ANO10: variants seen among roughly 807,000 people sequenced by gnomAD.
ANO10 encodes anoctamin 10, also known as anoctamin-10.
Under a neutral mutation model 74.7 loss-of-function variants are expected in ANO10, and 77 were observed. The observed-to-expected ratio is 1.03, with a 90% CI of 0.86 to 1.25. The LOEUF (loss-of-function observed/expected upper bound fraction) is 1.25. Among genes scored for constraint, ANO10 ranks in the 50% most tolerant of loss-of-function variants. The pLI is 0.00. For missense variants in ANO10, 721 were observed against 778.1 expected, an observed-to-expected ratio of 0.93 and a Z score of 0.87; for synonymous variants, 279 against 284.9, an observed-to-expected ratio of 0.98 and a Z score of 0.21.
At chr3:43,414,589 C>A (rs138951065) in intron 12 of ANO10, among the ~76,000 whole-genome samples, 2 of 152,098 alleles carry the variant, frequency 1.3e-5, no homozygotes, top group African/African-American at 4.8e-5. Flanking sequence ...GGCTAATTAG[C>A]CTTTCAAAAC....
chr3:43,441,306 G>A (rs1002377444), intron 11 of ANO10, among the ~76,000 whole-genome samples: 3 of 150,472 alleles, frequency 2.0e-5, no homozygotes, highest in African/African-American at 7.3e-5. Flanking sequence ...ATGAAGAAAA[G>A]ACTCATATAC....
chr3:43,670,403 T>C (rs1310442162), intron 1 of ANO10, among the ~76,000 whole-genome samples: 2 of 151,938 alleles, frequency 1.3e-5, no homozygotes, highest in Non-Finnish European at 2.9e-5. Context: ...GGTTGGGAGA[T>C]TTATGCTTAA....
At position 43,555,232 on chromosome 3, in the gene ANO10, C is replaced by T. The variant is rs749087058; in HGVS notation, c.1668+46G>A. On this transcript the variant is annotated intron_variant, in intron 10 of 12. Transcript: ENST00000292246. ...ATTTTTTTTCCCTGTCATAACACCT[C>T]GTATTTTTATTTTTTAAAGGAATAA... is the stretch of plus-strand genomic sequence containing the variant. 2.8e-5 allele frequency: 45 copies of T among 1,583,592 alleles called. No homozygotes were observed. In the Middle Eastern group the frequency reaches 5.0e-4, roughly 18 times the overall value.
chr3:43,587,119 T>G (rs1452447206), intron 4 of ANO10, among the ~76,000 whole-genome samples: 1 of 152,072 alleles, frequency 6.6e-6, no homozygotes, highest in African/African-American at 2.4e-5. Context: ...AAAAATTTGA[T>G]AAAAAATAAC....
intron 7 of ANO10, among the ~76,000 whole-genome samples, chr3:43,566,794 G>C (rs1220250844): frequency 6.6e-6 from 1 of 152,320 alleles, no homozygotes; most frequent in African/African-American, 2.4e-5. Context: ...CTCCTCCAAA[G>C]GAACGCAGTT....
At position 43,371,620 on chromosome 3, in the gene ANO10, G is replaced by A. The variant is rs372096296; in HGVS notation, c.1915-4646C>T. ...GAGAAGGGGAATGGCGGGGAAGAAG[G>A]GAGGATCAACTTCGAGCCTCCTCCA... On this transcript the variant is annotated intron_variant, in intron 12 of 12. Coordinates refer to ENST00000292246, the MANE Select transcript of ANO10 (RefSeq NM_018075.5). 2.6e-5 allele frequency among the ~76,000 whole-genome samples: 4 copies of A among 152,260 alleles called. No homozygotes were observed. In the East Asian group the frequency reaches 5.8e-4, roughly 22 times the overall value.
chr3:43,531,525 T>C (rs2078467533), intron 11 of ANO10, among the ~76,000 whole-genome samples: 1 of 152,158 alleles, frequency 6.6e-6, no homozygotes, highest in Non-Finnish European at 1.5e-5. Flanking sequence ...TTCTTATTGG[T>C]ATAAAAAATA....
Position 43,373,661 on chromosome 3 carries a change from T to C in ANO10, c.1915-6687A>G, listed in dbSNP as rs138508649. The stretch of plus-strand genomic sequence containing the variant: ...CTTCCCATGGAGAGTGAGGTGCCTA[T>C]AGAAGCCAGAGGCTGGCTTTCCAGC... On this transcript the variant is annotated intron_variant, in intron 12 of 12. Coordinates refer to ENST00000292246, the MANE Select transcript of ANO10 (RefSeq NM_018075.5). 2.0e-5 allele frequency among the ~76,000 whole-genome samples: 3 copies of C among 152,318 alleles called. No individual in the cohort carries two copies. The East Asian group carries it at 5.8e-4, about 29-fold the overall frequency.
At chr3:43,534,978 CTTTTT>C (rs576349934) in intron 11 of ANO10, among the ~76,000 whole-genome samples, 1 of 144,160 alleles carries the variant, frequency 6.9e-6, no homozygotes, top group African/African-American at 2.5e-5. Context: ...AGATTTTTTT[CTTTTT>C]TTTTTTTTGA....
At chr3:43,646,263 G>A (rs148200190) in intron 1 of ANO10, among the ~76,000 whole-genome samples, 319 of 152,260 alleles carry the variant, frequency 2.1e-3, no homozygotes, top group African/African-American at 7.1e-3. Context: ...CAAAAGATTC[G>A]AGGAGTTCTA....
chr3:43,492,427 A>C (rs1430238025), intron 11 of ANO10, among the ~76,000 whole-genome samples: 2 of 152,224 alleles, frequency 1.3e-5, no homozygotes, highest in Admixed American at 1.3e-4. Flanking sequence ...AACAAAAGCC[A>C]AAATTGACAA....
chr3:43,445,988 G>C (rs989033940), intron 11 of ANO10, among the ~76,000 whole-genome samples: 1 of 152,136 alleles, frequency 6.6e-6, no homozygotes, highest in African/African-American at 2.4e-5. Flanking sequence ...ACCAAACCCA[G>C]CCTTTGTTCT....
chr3:43,453,555 T>C (rs1410043186), intron 11 of ANO10, among the ~76,000 whole-genome samples: 1 of 152,212 alleles, frequency 6.6e-6, no homozygotes, highest in Non-Finnish European at 1.5e-5. Flanking sequence ...ATCACAAAGA[T>C]TTACATCCTT....
chr3:43,542,710 C>T (rs1393176036), intron 11 of ANO10, among the ~76,000 whole-genome samples: 1 of 152,186 alleles, frequency 6.6e-6, no homozygotes, highest in African/African-American at 2.4e-5. Context: ...CCCCAAGCTA[C>T]CTCTATGCTG....
chr3:43,680,628 T>C (rs2084183556), intron 1 of ANO10, among the ~76,000 whole-genome samples: 1 of 152,118 alleles, frequency 6.6e-6, no homozygotes, highest in Non-Finnish European at 1.5e-5. Flanking sequence ...GACACATATT[T>C]GTCACATTCA....
chr3:43,479,973 G>A (rs1361375637), intron 11 of ANO10, among the ~76,000 whole-genome samples: 2 of 152,190 alleles, frequency 1.3e-5, no homozygotes, highest in African/African-American at 4.8e-5. Flanking sequence ...AGAGGAATTA[G>A]GAGGAAACAG....
At chr3:43,450,263 AGGCACAGTGGCTCAT>A (rs2074800803) in intron 11 of ANO10, among the ~76,000 whole-genome samples, 1 of 152,182 alleles carries the variant, frequency 6.6e-6, no homozygotes, top group African/African-American at 2.4e-5. Context: ...TATATCAGCC[AGGCACAGTGGCTCAT>A]GCCTGTAATC....
At chr3:43,578,749 CAAAAAAAA>C (rs56186109) in intron 5 of ANO10, among the ~76,000 whole-genome samples, 16 of 64,442 alleles carry the variant, frequency 2.5e-4, no homozygotes, top group Admixed American at 1.3e-3. Flanking sequence ...GACTCCATCT[CAAAAAAAA>C]AAAAAAAAAA....
At chr3:43,516,003 C>T (rs941585296) in intron 11 of ANO10, among the ~76,000 whole-genome samples, 4 of 152,184 alleles carry the variant, frequency 2.6e-5, no homozygotes, top group Non-Finnish European at 4.4e-5. Context: ...GAGGCATTAT[C>T]ATTCTCTTCG....
Sources: gnomAD v4.1 joint callset for allele counts (sites outside exome capture counted in the v4.1 genomes callset) on GRCh38, gnomAD v4.1.1 for gene constraint, MANE v1.5 for transcripts, NCBI Gene and HGNC (gene_info 2026-07-23, HGNC 2026-07-21) for gene names.